The following CNST variants were observed in gnomAD, a reference collection of about 807,000 sequenced individuals.
CNST encodes consortin.
CNST carries 39 observed loss-of-function variants against 72.4 expected under a neutral mutation model. The observed-to-expected ratio is 0.54, with a 90% CI of 0.42 to 0.70. The LOEUF is 0.70. Ranked by LOEUF, CNST falls within the 30% of genes least tolerant of loss-of-function variation. CNST has a pLI of 0.00. For missense variants in CNST, 871 were observed against 868.5 expected, an observed-to-expected ratio of 1.00 and a Z score of -0.04; for synonymous variants, 332 against 320.1, an observed-to-expected ratio of 1.04 and a Z score of -0.40.
intron 2 of CNST, among the ~76,000 whole-genome samples, chr1:246,619,619 G>T (rs1663923584): frequency 6.6e-6 from 1 of 152,248 alleles, no homozygotes; most frequent in African/African-American, 2.4e-5. Flanking sequence ...TATAGGGAAA[G>T]ATGTGGATTT....
At chr1:246,652,991 G>C (rs778603828) in intron 9 of CNST, among the ~76,000 whole-genome samples, 8 of 150,544 alleles carry the variant, frequency 5.3e-5, no homozygotes, top group Non-Finnish European at 8.9e-5. Flanking sequence ...GCTACAGAGT[G>C]AGACTCTGTC....
At chr1:246,602,504 A>G (rs74345749) in intron 2 of CNST, among the ~76,000 whole-genome samples, 10,669 of 152,250 alleles carry the variant, frequency 0.07, 587 homozygotes, top group East Asian at 0.21. Context: ...GCCTTACACC[A>G]TGACAGCTGG....
At chr1:246,632,300 G>T in intron 4 of CNST, 2 of 296,668 alleles carry the variant, frequency 6.7e-6, no homozygotes, top group Non-Finnish European at 1.3e-5. Context: ...TTTGAGCTTG[G>T]CAACGTGCGC....
intron 1 of CNST, among the ~76,000 whole-genome samples, chr1:246,581,010 A>G (rs1303181989): frequency 2.0e-5 from 3 of 152,306 alleles, no homozygotes; most frequent in Non-Finnish European, 2.9e-5. Flanking sequence ...AAGTGCTGGG[A>G]TTACAGGCAT....
intron 2 of CNST, among the ~76,000 whole-genome samples, chr1:246,618,410 G>T (rs1663836429): frequency 6.6e-6 from 1 of 152,200 alleles, no homozygotes; most frequent in South Asian, 2.1e-4. Flanking sequence ...AGGTAAGATG[G>T]TTTTGTATAG....
intron 1 of CNST, among the ~76,000 whole-genome samples, chr1:246,586,111 A>ATATATGTGTGTGTGTGTG (rs777928408): frequency 5.8e-4 from 60 of 102,688 alleles, no homozygotes; most frequent in African/African-American, 2.2e-3. Context: ...ATATATATAT[A>ATATATGTGTGTGTGTGTG]TGTGTGTGTG....
intron 1 of CNST, among the ~76,000 whole-genome samples, chr1:246,589,103 TA>T (rs1439453686): frequency 6.6e-6 from 1 of 152,094 alleles, no homozygotes; most frequent in Non-Finnish European, 1.5e-5. Context: ...TCATTATTAT[TA>T]TTGTTTTATT....
intron 6 of CNST, among the ~76,000 whole-genome samples, chr1:246,635,039 T>C (rs970788852): frequency 1.3e-5 from 2 of 152,082 alleles, no homozygotes; most frequent in Non-Finnish European, 2.9e-5. Flanking sequence ...CTGGTGCAAG[T>C]GGCCTCGCGC....
chr1:246,573,972 A>C (rs1217849511), intron 1 of CNST, among the ~76,000 whole-genome samples: 1 of 152,220 alleles, frequency 6.6e-6, no homozygotes, highest in Non-Finnish European at 1.5e-5. Flanking sequence ...AGAAACTCGA[A>C]GTGGTGGGGG....
chr1:246,643,479 T>G (rs1665852679), intron 8 of CNST, among the ~76,000 whole-genome samples: 1 of 152,204 alleles, frequency 6.6e-6, no homozygotes, highest in Non-Finnish European at 1.5e-5. Context: ...GTTTGAGACT[T>G]ACTTAGCATG....
chr1:246,649,156 GTTTTGTTTTT>G (rs1666305245), intron 9 of CNST, among the ~76,000 whole-genome samples: 1 of 73,800 alleles, frequency 1.4e-5, no homozygotes, highest in Non-Finnish European at 2.7e-5. Context: ...ACAGACTGTT[GTTTTGTTTTT>G]TTTTTTTTTT....
chr1:246,605,006 T>G (rs1290863629), intron 2 of CNST, among the ~76,000 whole-genome samples: 1 of 152,202 alleles, frequency 6.6e-6, no homozygotes, highest in Admixed American at 6.5e-5. Flanking sequence ...GCCTTTATAT[T>G]TGTTAGAGAA....
rs749135901 is a variant in CNST at position 246,591,966 on chromosome 1, CTCT to C, written c.379+30_379+32del. The C allele has an allele frequency of 3.1e-5, 48 of 1,550,542 alleles. No homozygotes were observed. In the Admixed American group the frequency reaches 6.7e-4, roughly 22 times the overall value. On this transcript the variant is annotated intron_variant, in intron 2 of 10. Coordinates refer to ENST00000366513, the MANE Select transcript of CNST (RefSeq NM_152609.3). ...GGTATTGTTTAAAATAGTATTTATC[CTCT>C]TCTTTAATTAATTAAAAATGAACCT...
chr1:246,664,709 A>C (rs980316663), intron 10 of CNST, among the ~76,000 whole-genome samples: 35 of 152,106 alleles, frequency 2.3e-4, no homozygotes, highest in African/African-American at 6.5e-4. Context: ...TACAGGCGTG[A>C]GCCACCACAC....
chr1:246,574,580 A>AT (rs1558524725), intron 1 of CNST, among the ~76,000 whole-genome samples: 73 of 151,824 alleles, frequency 4.8e-4, no homozygotes, highest in African/African-American at 1.7e-3. Context: ...TATGCAGTCT[A>AT]ATTTTTTTTT....
chr1:246,589,072 T>C (rs954175244), intron 1 of CNST, among the ~76,000 whole-genome samples: 1 of 152,150 alleles, frequency 6.6e-6, no homozygotes, highest in African/African-American at 2.4e-5. Context: ...CAGTTGAAGA[T>C]GTCAGCTAAG....
At chr1:246,627,057 T>C (rs749294112) in intron 3 of CNST, among the ~76,000 whole-genome samples, 19 of 152,224 alleles carry the variant, frequency 1.2e-4, no homozygotes, top group Non-Finnish European at 2.6e-4. Context: ...ACCATTTCCG[T>C]ACAGGATACC....
chr1:246,648,282 T>TA lies in CNST; in HGVS notation c.1836+246dup. 11 of 1,183,478 alleles carry TA rather than the reference T, an allele frequency of 9.3e-6. No individual in the cohort carries two copies. In the South Asian group the frequency reaches 2.2e-4, roughly 23 times the overall value. 73.3% of individuals were successfully genotyped at this position (1,183,478 alleles called of 1,614,324 possible). On this transcript the variant is annotated intron_variant, in intron 9 of 10. Coordinates refer to ENST00000366513, the MANE Select transcript of CNST (RefSeq NM_152609.3). The stretch of plus-strand genomic sequence containing the variant: ...GCATGCCTCCAGCTAGAGTGAGCGT[T>TA]ATTGTATATATCCATTTTTTATAGT...
At chr1:246,654,887 A>G (rs1241710610) in intron 9 of CNST, among the ~76,000 whole-genome samples, 1 of 152,172 alleles carries the variant, frequency 6.6e-6, no homozygotes, top group Non-Finnish European at 1.5e-5. Context: ...CTAGGAAGAC[A>G]GCGCTGAACA....
Sources: allele counts gnomAD v4.1 joint callset (sites outside exome capture counted in the v4.1 genomes callset), GRCh38; gene constraint gnomAD v4.1.1; transcripts MANE v1.5; gene names NCBI Gene and HGNC (gene_info 2026-07-23, HGNC 2026-07-21).